Variants in FOXO3 observed in about 807,000 individuals in gnomAD.
The protein encoded by FOXO3 is forkhead box protein O3.
A neutral mutation model predicts 41.9 loss-of-function variants in FOXO3; 4 were observed. The observed-to-expected ratio is 0.10, with a 90% CI of 0.05 to 0.22. The LOEUF (loss-of-function observed/expected upper bound fraction) is 0.22. Among genes scored for constraint, FOXO3 ranks in the 10% least tolerant of loss-of-function variants. The pLI, the probability that FOXO3 is intolerant of heterozygous loss-of-function variation, is 1.00. For synonymous variants in FOXO3, 318 were observed against 389.3 expected (o/e 0.82, Z 2.16); for missense variants, 534 against 906.8 (o/e 0.59, Z 5.28).
At chr6:108,654,814 A>G (rs1227271812) in intron 1 of FOXO3, among the ~76,000 whole-genome samples, 2 of 151,780 alleles carry the variant, frequency 1.3e-5, no homozygotes, top group Admixed American at 6.6e-5. Context: ...CTAGATTTAC[A>G]TATCAGGTTG....
rs56888212 is a variant in FOXO3, at chr6:108,600,546, CAAAAAAAA to C, written c.621+38737_621+38744del. 1.3e-4 allele frequency among the ~76,000 whole-genome samples: 6 copies of C among 47,776 alleles called. No homozygotes were observed. In the East Asian group the frequency reaches 2.1e-3, roughly 17 times the overall value. The allele number at this position is 47,776 out of a possible 152,430, so 31.3% of individuals were successfully genotyped here. Reference sequence around the variant, plus strand: ...TAGGTGACAGAGCAAGTCTCCATCTCAAAAAAAAAAAAAAAAAAAAAAAAAAAGTATGT... The same window carrying C: ...TAGGTGACAGAGCAAGTCTCCATCTCAAAAAAAAAAAAAAAAAAAGTATGT... On this transcript the variant is annotated intron_variant, in intron 1 of 2. Coordinates refer to ENST00000406360, the MANE Select transcript of FOXO3 (RefSeq NM_001455.4).
intron 1 of FOXO3, among the ~76,000 whole-genome samples, chr6:108,621,190 G>A (rs1042557442): frequency 1.3e-5 from 2 of 152,284 alleles, no homozygotes; most frequent in East Asian, 1.9e-4. Context: ...TCACCATTAA[G>A]CACTTTAAAA....
intron 1 of FOXO3, among the ~76,000 whole-genome samples, chr6:108,601,854 G>A (rs999019145): frequency 6.6e-6 from 1 of 152,194 alleles, no homozygotes; most frequent in Non-Finnish European, 1.5e-5. Flanking sequence ...GTGTTCCACT[G>A]TATGGCTAGG....
chr6:108,600,094 A>G (rs561709335), intron 1 of FOXO3, among the ~76,000 whole-genome samples: 3 of 152,304 alleles, frequency 2.0e-5, no homozygotes, highest in Admixed American at 6.5e-5. Flanking sequence ...GAAGTCGAAC[A>G]CTGAACTTGG....
chr6:108,643,542 A>G (rs939041862), intron 1 of FOXO3, among the ~76,000 whole-genome samples: 2 of 152,272 alleles, frequency 1.3e-5, no homozygotes, highest in African/African-American at 2.4e-5. Context: ...CTGCTCTTCT[A>G]TTTTGTTTTT....
chr6:108,568,428 T>C (rs35214426), intron 1 of FOXO3, among the ~76,000 whole-genome samples: 19,457 of 151,994 alleles, frequency 0.13, 1,429 homozygotes, highest in South Asian at 0.27. Context: ...CAGCACTCTC[T>C]ACTTACCTTG....
At chr6:108,631,152 T>G (rs1329653346) in intron 1 of FOXO3, among the ~76,000 whole-genome samples, 1 of 152,050 alleles carries the variant, frequency 6.6e-6, no homozygotes, top group African/African-American at 2.4e-5. Context: ...AAGACTGAGG[T>G]GGTTAGGATT....
At position 108,681,533 on chromosome 6, in the gene FOXO3, A is replaced by G. The variant is rs1770853196; in HGVS notation, c.*1741A>G. On this transcript the variant is annotated 3_prime_UTR_variant, in exon 3 of 3. Transcript: ENST00000406360. ...GCTTTATAACTCCTCTGGGGGTGAT[A>G]TTGGTGGTGATCACAGCTCCTAGCA... 6.6e-6 allele frequency: 1 copy of G among 151,378 alleles called. No homozygotes were observed. The highest frequency in any genetic ancestry group is 2.4e-5 in the African/African-American group (1 of 41,124). The allele number at this position is 151,378 out of a possible 1,614,324, so 9.4% of individuals were successfully genotyped here.
chr6:108,580,115 C>T (rs945673232), intron 1 of FOXO3, among the ~76,000 whole-genome samples: 10 of 150,768 alleles, frequency 6.6e-5, no homozygotes, highest in Middle Eastern at 3.5e-3. Flanking sequence ...CTAAAAGCTA[C>T]GGTTAATTGA....
chr6:108,665,956 TG>T (rs959973926), intron 2 of FOXO3, among the ~76,000 whole-genome samples: 1 of 151,966 alleles, frequency 6.6e-6, no homozygotes, highest in African/African-American at 2.4e-5. Context: ...AGGTTGTGAA[TG>T]GTGATGGAGA....
chr6:108,586,636 G>C (rs555381318), intron 1 of FOXO3, among the ~76,000 whole-genome samples: 1 of 152,232 alleles, frequency 6.6e-6, no homozygotes, highest in East Asian at 1.9e-4. Context: ...ACCCTGGACA[G>C]GTAGGAAAAC....
chr6:108,681,305 A>T lies in FOXO3; in HGVS notation c.*1513A>T, dbSNP rs1274250563. ...TGCATAAAAAGCATTAGGCATATAA[A>T]TGTATAAATATATTTTATCATGTAC... On this transcript the variant is annotated 3_prime_UTR_variant, in exon 3 of 3. Coordinates refer to ENST00000406360, the MANE Select transcript of FOXO3 (RefSeq NM_001455.4). 5.9e-5 allele frequency: 9 copies of T among 152,704 alleles called. No homozygotes were observed. The highest frequency in any genetic ancestry group is 1.9e-4 in the African/African-American group (8 of 41,482). 9.5% of individuals were successfully genotyped at this position (152,704 alleles called of 1,614,324 possible).
At position 108,639,018 on chromosome 6, in the gene FOXO3, T is replaced by A. The variant is rs141604528; in HGVS notation, c.622-24437T>A. Reference sequence around the variant, plus strand: ...GGTGTCAGCACTGTCTAGATGGCCGTCCTTGGGAGGCTGGGCTCCCTCTGG... The same window carrying A: ...GGTGTCAGCACTGTCTAGATGGCCGACCTTGGGAGGCTGGGCTCCCTCTGG... On this transcript the variant is annotated intron_variant, in intron 1 of 2. Coordinates refer to ENST00000406360, the MANE Select transcript of FOXO3 (RefSeq NM_001455.4). Among the ~76,000 whole-genome samples, 1,270 of 152,250 alleles carry A rather than the reference T, an allele frequency of 8.3e-3. 9 individuals carry two copies. Among genetic ancestry groups the A allele is most frequent in the Middle Eastern group, 0.02 (6 of 294 alleles).
intron 1 of FOXO3, among the ~76,000 whole-genome samples, chr6:108,606,374 GGCGGTGTTTTCTGCATA>G (rs1777201301): frequency 1.3e-5 from 2 of 152,114 alleles, no homozygotes; most frequent in Admixed American, 1.3e-4. Flanking sequence ...TGTCTGGTAG[GGCGGTGTTTTCTGCATA>G]GTAATCAGGC....
At chr6:108,569,519 C>T (rs1397668652) in intron 1 of FOXO3, among the ~76,000 whole-genome samples, 1 of 152,210 alleles carries the variant, frequency 6.6e-6, no homozygotes, top group African/African-American at 2.4e-5. Context: ...ACTTTTCACT[C>T]CTGAGTTTTT....
At chr6:108,604,753 G>A (rs72942509) in intron 1 of FOXO3, among the ~76,000 whole-genome samples, 2,533 of 151,928 alleles carry the variant, frequency 0.017, 33 homozygotes, top group Non-Finnish European at 0.027. Context: ...AGTTTGTTTG[G>A]TTTGGACCCT....
chr6:108,624,870 A>G (rs1777766531), intron 1 of FOXO3, among the ~76,000 whole-genome samples: 1 of 152,106 alleles, frequency 6.6e-6, no homozygotes, highest in Admixed American at 6.6e-5. Context: ...GCTTACTGCA[A>G]CTGTGAACTT....
intron 1 of FOXO3, among the ~76,000 whole-genome samples, chr6:108,620,416 T>C (rs145257872): frequency 1.9e-4 from 29 of 152,312 alleles, no homozygotes; most frequent in African/African-American, 6.5e-4. Flanking sequence ...TTTTATTCCA[T>C]GTGGGATGCA....
Position 108,663,624 on chromosome 6 carries a change from G to T in FOXO3, c.791G>T (p.Arg264Leu). The T allele has an allele frequency of 6.2e-7, 1 of 1,613,578 alleles. No individual in the cohort carries two copies. The highest frequency in any genetic ancestry group is 8.5e-7 in the Non-Finnish European group (1 of 1,179,684). Residue 264 changes from arginine to leucine, a missense_variant, in exon 2 of 3, where the codon CGT (arginine) becomes CTT (leucine). Transcript: ENST00000406360. ...AATAGCAACAAGTATACCAAGAGCC[G>T]TGGCCGCGCAGCCAAGAAGAAGGCA... is the stretch of plus-strand genomic sequence containing the variant. The part of the protein sequence containing the change: ...MDNSNKYTKS[R>L]GRAAKKKAAL...
Sources: gnomAD v4.1 joint callset for allele counts (sites outside exome capture counted in the v4.1 genomes callset) on GRCh38, gnomAD v4.1.1 for gene constraint, MANE v1.5 for transcripts, NCBI Gene and HGNC (gene_info 2026-07-23, HGNC 2026-07-21) for gene names.